Variants in SLC38A1 observed in about 807,000 individuals in gnomAD.
The protein encoded by SLC38A1 is sodium-coupled neutral amino acid symporter 1.
A neutral mutation model predicts 60.3 loss-of-function variants in SLC38A1; 18 were observed. The observed-to-expected ratio is 0.30, with a 90% confidence interval of 0.21 to 0.44. SLC38A1 has a LOEUF of 0.44. SLC38A1 is among the 20% of genes least tolerant of loss of function. SLC38A1 has a pLI of 1.00. For missense variants in SLC38A1, 448 were observed against 587.2 expected, an observed-to-expected ratio of 0.76 and a Z score of 2.45; for synonymous variants, 196 against 212.1, an observed-to-expected ratio of 0.92 and a Z score of 0.66.
At chr12:46,228,879 CA>C (rs1321965093) in intron 5 of SLC38A1, among the ~76,000 whole-genome samples, 1 of 151,894 alleles carries the variant, frequency 6.6e-6, no homozygotes, top group East Asian at 1.9e-4. Context: ...CCAAAAATAC[CA>C]AAAAAAGTTA....
chr12:46,214,364 C>T (rs757237336), intron 5 of SLC38A1, among the ~76,000 whole-genome samples: 11 of 152,254 alleles, frequency 7.2e-5, no homozygotes, highest in South Asian at 2.1e-4. Context: ...TTTTAAACAA[C>T]GAACATCTAA....
intron 8 of SLC38A1, 29 bp from the exon 9 acceptor site, chr12:46,206,191 A>AT (rs1314673588): frequency 4.2e-6 from 6 of 1,440,740 alleles, no homozygotes; most frequent in East Asian, 2.3e-5. Context: ...ATTAGGTTAT[A>AT]TTTTTTTAGA....
rs531101400 is a variant in SLC38A1, at chr12:46,206,194, T to A, written c.564-32A>T. 1.3e-5 allele frequency: 18 copies of A among 1,434,200 alleles called. No homozygotes were observed. In the East Asian group the frequency reaches 4.0e-4, roughly 32 times the overall value. The allele number at this position is 1,434,200 out of a possible 1,614,324, so 88.8% of individuals were successfully genotyped here. A position where few individuals can be genotyped will look rare whatever the true frequency, so the allele number is the denominator to read the frequency against. On this transcript the variant is annotated intron_variant, in intron 8 of 16. Coordinates refer to ENST00000398637, the MANE Select transcript of SLC38A1 (RefSeq NM_030674.4). The stretch of plus-strand genomic sequence containing the variant: ...GGCATTTAAGTGATTAGGTTATATT[T>A]TTTTAGAAAGTGACTTTTTTCCCCT...
At chr12:46,249,636 A>C (rs1314560782) in intron 1 of SLC38A1, among the ~76,000 whole-genome samples, 1 of 152,202 alleles carries the variant, frequency 6.6e-6, no homozygotes, top group African/African-American at 2.4e-5. Context: ...TAGATGCAAT[A>C]AAAAATGATA....
At chr12:46,249,321 G>T (rs1941749982) in intron 1 of SLC38A1, among the ~76,000 whole-genome samples, 1 of 152,076 alleles carries the variant, frequency 6.6e-6, no homozygotes, top group South Asian at 2.1e-4. Context: ...GAATCTCTGG[G>T]ACACATTTAA....
rs558698660 is a variant in SLC38A1, at chr12:46,230,469, C to A, written c.123-830G>T. On this transcript the variant is annotated intron_variant, in intron 3 of 16. Coordinates refer to ENST00000398637, the MANE Select transcript of SLC38A1 (RefSeq NM_030674.4). ...TACCCTAGTTTCCTCATCTGGGAAA[C>A]AGAAGTTAACACTATTACATCATCT... Among the ~76,000 whole-genome samples, 29 of 152,296 alleles carry A rather than the reference C, an allele frequency of 1.9e-4. 1 individual carries two copies. The South Asian group carries it at 5.8e-3, about 30-fold the overall frequency.
intron 1 of SLC38A1, among the ~76,000 whole-genome samples, chr12:46,258,247 G>A (rs1215611343): frequency 6.6e-6 from 1 of 152,130 alleles, no homozygotes. Flanking sequence ...CTGTGACTTA[G>A]AATGCTTTAA....
At chr12:46,258,382 G>A (rs1942098232) in intron 1 of SLC38A1, among the ~76,000 whole-genome samples, 1 of 152,070 alleles carries the variant, frequency 6.6e-6, no homozygotes, top group African/African-American at 2.4e-5. Flanking sequence ...TTGGATTTTG[G>A]AATATTTGCA....
chr12:46,193,247 T>C (rs1037900254), intron 16 of SLC38A1, among the ~76,000 whole-genome samples: 2 of 152,182 alleles, frequency 1.3e-5, no homozygotes, highest in African/African-American at 4.8e-5. Context: ...TGGTTTTGAG[T>C]GAGTTTCATA....
chr12:46,200,606 T>C (rs925592521), intron 13 of SLC38A1, among the ~76,000 whole-genome samples: 2 of 152,190 alleles, frequency 1.3e-5, no homozygotes, highest in African/African-American at 4.8e-5. Flanking sequence ...GATTTCATTT[T>C]TTAAAATTTT....
chr12:46,222,630 G>A (rs1420728774), intron 5 of SLC38A1, among the ~76,000 whole-genome samples: 13 of 152,042 alleles, frequency 8.6e-5, no homozygotes, highest in Admixed American at 7.9e-4. Context: ...AAGTACCATG[G>A]TTATTTAACA....
At position 46,263,928 on chromosome 12, in the gene SLC38A1, T is replaced by C. The variant is rs117114065; in HGVS notation, c.-209+4598A>G. Among the ~76,000 whole-genome samples, 516 of 152,242 alleles carry C rather than the reference T, an allele frequency of 3.4e-3. 1 individual carries two copies. Among genetic ancestry groups the C allele is most frequent in the Non-Finnish European group, 5.5e-3 (376 of 68,008 alleles). On this transcript the variant is annotated intron_variant, in intron 1 of 16. Transcript: ENST00000398637. ...GACTTTGTCAAGCAACATATGGAGG[T>C]CCTCATTTAATTTCTGATGTTTGTT... is the stretch of plus-strand genomic sequence containing the variant.
chr12:46,198,255 G>A (rs1453617015), intron 14 of SLC38A1, among the ~76,000 whole-genome samples, 195 bp from the exon 15 acceptor site: 1 of 148,852 alleles, frequency 6.7e-6, no homozygotes. Flanking sequence ...TTATTTATGA[G>A]TAGTAGAGTT....
chr12:46,220,150 C>G (rs1940600692), intron 5 of SLC38A1, among the ~76,000 whole-genome samples: 1 of 152,226 alleles, frequency 6.6e-6, no homozygotes, highest in African/African-American at 2.4e-5. Context: ...TAACGCAATG[C>G]TAACCACTTT....
chr12:46,229,107 A>C (rs1243356298), intron 5 of SLC38A1, 46 bp downstream of exon 5: 2 of 1,134,478 alleles, frequency 1.8e-6, no homozygotes, highest in Admixed American at 2.1e-5. Flanking sequence ...GAAACATACA[A>C]AAAGTTCAGT....
At position 46,187,400 on chromosome 12, in the gene SLC38A1, T is replaced by G. The variant is rs989956330; in HGVS notation, c.*1570A>C. Reference sequence around the variant, plus strand: ...ATATAGAGGAAGCATAAGTCCTGTTTCAAGAGACCAGCTCACGGAGCATGC... The same window carrying G: ...ATATAGAGGAAGCATAAGTCCTGTTGCAAGAGACCAGCTCACGGAGCATGC... On this transcript the variant is annotated 3_prime_UTR_variant, in exon 17 of 17. Transcript: ENST00000398637. The G allele has an allele frequency of 6.6e-6, 1 of 152,258 alleles. No homozygotes were observed. Among genetic ancestry groups the G allele is most frequent in the African/African-American group, 2.4e-5 (1 of 41,466 alleles). The allele number at this position is 152,258 out of a possible 1,614,324, so 9.4% of individuals were successfully genotyped here. A position where few individuals can be genotyped will look rare whatever the true frequency, so the allele number is the denominator to read the frequency against.
At position 46,240,137 on chromosome 12, in the gene SLC38A1, T is replaced by G. The variant is rs540188440; in HGVS notation, c.-93-244A>C. Among the ~76,000 whole-genome samples, 55 of 152,252 alleles carry G rather than the reference T, an allele frequency of 3.6e-4. 3 individuals carry two copies. Among genetic ancestry groups the G allele is most frequent in the African/African-American group, 1.3e-3 (55 of 41,544 alleles). On this transcript the variant is annotated intron_variant, in intron 2 of 16. Coordinates refer to ENST00000398637, the MANE Select transcript of SLC38A1 (RefSeq NM_030674.4). The stretch of plus-strand genomic sequence containing the variant: ...ATGCCCCATAATCTTACTGATCAGG[T>G]TTATAAGAATATCATGTTAGCTGTA...
intron 1 of SLC38A1, among the ~76,000 whole-genome samples, chr12:46,248,313 T>G (rs1941697523): frequency 6.6e-6 from 1 of 152,062 alleles, no homozygotes; most frequent in South Asian, 2.1e-4. Context: ...AAGACACACA[T>G]AAGCTCAAAA....
At chr12:46,265,539 A>G (rs1942325682) in intron 1 of SLC38A1, among the ~76,000 whole-genome samples, 1 of 152,228 alleles carries the variant, frequency 6.6e-6, no homozygotes, top group African/African-American at 2.4e-5. Context: ...GTGAACTGTG[A>G]GAAAGAAAAT....
Sources: gnomAD v4.1 joint callset for allele counts (sites outside exome capture counted in the v4.1 genomes callset) on GRCh38, gnomAD v4.1.1 for gene constraint, MANE v1.5 for transcripts, NCBI Gene and HGNC (gene_info 2026-07-23, HGNC 2026-07-21) for gene names.